Variants in ADAMTS3 observed in about 807,000 individuals in gnomAD.
ADAMTS3 encodes the protein A disintegrin and metalloproteinase with thrombospondin motifs 3.
In ADAMTS3, 73 loss-of-function variants were observed where a neutral mutation model predicts 129.0. That is an observed-to-expected ratio of 0.57 (90% CI 0.47 to 0.69). ADAMTS3 has a LOEUF of 0.69. Among genes scored for constraint, ADAMTS3 ranks in the 30% least tolerant of loss-of-function variants. ADAMTS3 has a pLI of 0.00. For synonymous variants in ADAMTS3, 477 were observed against 510.8 expected, an observed-to-expected ratio of 0.93 and a Z score of 0.89; for missense variants, 1,457 against 1,514.5, an observed-to-expected ratio of 0.96 and a Z score of 0.63.
chr4:72,366,918 C>T lies in ADAMTS3; in HGVS notation c.662-27225G>A, dbSNP rs111574020. 1.3e-4 allele frequency among the ~76,000 whole-genome samples: 19 copies of T among 151,640 alleles called. 2 individuals are homozygous for T. Among genetic ancestry groups the T allele is most frequent in the African/African-American group, 4.6e-4 (19 of 41,376 alleles). On this transcript the variant is annotated intron_variant, in intron 4 of 21. Transcript: ENST00000286657. The stretch of plus-strand genomic sequence containing the variant: ...TTTCTTTCTCTTTCTTTTCTCATTC[C>T]TCCTCCTCTCTCTCTTTTCTCCTTT...
At chr4:72,383,717 A>G (rs906252391) in intron 4 of ADAMTS3, among the ~76,000 whole-genome samples, 35 of 152,192 alleles carry the variant, frequency 2.3e-4, no homozygotes, top group African/African-American at 8.4e-4. Flanking sequence ...AAAGCACACT[A>G]TCTAGAGGAC....
intron 3 of ADAMTS3, among the ~76,000 whole-genome samples, chr4:72,457,646 C>T (rs987471277): frequency 2.0e-5 from 3 of 151,686 alleles, no homozygotes; most frequent in Non-Finnish European, 4.4e-5. Flanking sequence ...TGTAGGTCCA[C>T]GATTATTCCA....
chr4:72,379,897 T>TTG (rs1721236406), intron 4 of ADAMTS3, among the ~76,000 whole-genome samples: 1 of 152,164 alleles, frequency 6.6e-6, no homozygotes, highest in Non-Finnish European at 1.5e-5. Flanking sequence ...CCCAATCAAG[T>TTG]TGTTTAATAG....
At chr4:72,518,630 G>A (rs184454552) in intron 3 of ADAMTS3, among the ~76,000 whole-genome samples, 1 of 152,242 alleles carries the variant, frequency 6.6e-6, no homozygotes, top group Admixed American at 6.5e-5. Flanking sequence ...TTGGTTTAAA[G>A]TCTGTTTTAT....
chr4:72,539,761 G>T (rs1395337278), intron 3 of ADAMTS3, among the ~76,000 whole-genome samples: 5 of 152,088 alleles, frequency 3.3e-5, no homozygotes, highest in African/African-American at 1.2e-4. Context: ...AGATCTGATG[G>T]TTTTAAACAA....
chr4:72,325,381 T>C lies in ADAMTS3; in HGVS notation c.862-2284A>G, dbSNP rs114392529. Among the ~76,000 whole-genome samples the C allele has an allele frequency of 4.5e-3, 690 of 152,238 alleles. 4 individuals carry two copies. The highest frequency in any genetic ancestry group is 0.016 in the African/African-American group (659 of 41,552). On this transcript the variant is annotated intron_variant, in intron 5 of 21. Transcript: ENST00000286657. Reference sequence around the variant, plus strand: ...TTCCACCCTCCTGTTCTGGATTCATTATCTGATAACATATTCCTAACTTTA... The same window carrying C: ...TTCCACCCTCCTGTTCTGGATTCATCATCTGATAACATATTCCTAACTTTA...
intron 3 of ADAMTS3, among the ~76,000 whole-genome samples, chr4:72,443,432 T>TA (rs1718170442): frequency 6.6e-6 from 1 of 151,776 alleles, no homozygotes. Flanking sequence ...CCTCTAGTGT[T>TA]AAAAATGTCT....
At chr4:72,387,280 T>A (rs1292179562) in intron 4 of ADAMTS3, among the ~76,000 whole-genome samples, 1 of 152,202 alleles carries the variant, frequency 6.6e-6, no homozygotes, top group Non-Finnish European at 1.5e-5. Context: ...AGTCACATTT[T>A]ACAAATCATG....
At chr4:72,284,140 T>C (rs777165306) in intron 21 of ADAMTS3, among the ~76,000 whole-genome samples, 1 of 152,142 alleles carries the variant, frequency 6.6e-6, no homozygotes, top group African/African-American at 2.4e-5. Context: ...TCAAAATAAA[T>C]ACTAAACACT....
chr4:72,298,228 G>A, intron 18 of ADAMTS3, 49 bp downstream of exon 18: 2 of 1,507,286 alleles, frequency 1.3e-6, no homozygotes, highest in South Asian at 1.3e-5. Flanking sequence ...AGCAAGATTG[G>A]TTTTTATATG....
intron 20 of ADAMTS3, among the ~76,000 whole-genome samples, chr4:72,290,647 T>A (rs1202925510): frequency 6.6e-6 from 1 of 152,220 alleles, no homozygotes. Context: ...AGACTTCTTC[T>A]CTATGTTATG....
chr4:72,524,010 T>G (rs2109746948), intron 3 of ADAMTS3, among the ~76,000 whole-genome samples: 1 of 152,306 alleles, frequency 6.6e-6, no homozygotes, highest in South Asian at 2.1e-4. Context: ...TGTATTTCCC[T>G]TTTAGGTTTT....
At chr4:72,527,222 G>T (rs1411808333) in intron 3 of ADAMTS3, among the ~76,000 whole-genome samples, 2 of 152,044 alleles carry the variant, frequency 1.3e-5, no homozygotes, top group African/African-American at 4.8e-5. Flanking sequence ...ACTTTATCAA[G>T]GGAACTCCTC....
intron 4 of ADAMTS3, among the ~76,000 whole-genome samples, chr4:72,395,581 T>C (rs192220775): frequency 1.0e-3 from 157 of 152,332 alleles, no homozygotes; most frequent in Non-Finnish European, 1.7e-3. Context: ...TAAACATTTT[T>C]AGATTAATAA....
intron 3 of ADAMTS3, among the ~76,000 whole-genome samples, chr4:72,493,859 T>C (rs975877125): frequency 6.6e-6 from 1 of 152,108 alleles, no homozygotes; most frequent in African/African-American, 2.4e-5. Context: ...TATAGTATTA[T>C]TGTGGAGTTT....
chr4:72,562,198 A>C (rs558348464), intron 2 of ADAMTS3, among the ~76,000 whole-genome samples: 18 of 152,366 alleles, frequency 1.2e-4, no homozygotes, highest in Admixed American at 1.0e-3. Flanking sequence ...ATATTTAAAA[A>C]TTATATTCAA....
At chr4:72,493,334 A>G (rs1719794510) in intron 3 of ADAMTS3, among the ~76,000 whole-genome samples, 1 of 151,478 alleles carries the variant, frequency 6.6e-6, no homozygotes, top group Non-Finnish European at 1.5e-5. Flanking sequence ...TTGTTATTCT[A>G]TTTTTGTAGT....
Position 72,364,268 on chromosome 4 carries a change from T to A in ADAMTS3, c.662-24575A>T, listed in dbSNP as rs183264688. Reference sequence around the variant, plus strand: ...CAATAGAAGGACATACACTAAAAAATATTTTTCTTTTTGTTTACTTTTCCA... The same window carrying A: ...CAATAGAAGGACATACACTAAAAAAAATTTTTCTTTTTGTTTACTTTTCCA... On this transcript the variant is annotated intron_variant, in intron 4 of 21. Transcript: ENST00000286657. 2.7e-3 allele frequency among the ~76,000 whole-genome samples: 406 copies of A among 151,986 alleles called. 1 individual carries two copies. The highest frequency in any genetic ancestry group is 9.7e-3 in the African/African-American group (400 of 41,338).
At chr4:72,307,564 A>G (rs1719120288) in intron 15 of ADAMTS3, among the ~76,000 whole-genome samples, 1 of 152,050 alleles carries the variant, frequency 6.6e-6, no homozygotes, top group African/African-American at 2.4e-5. Context: ...TTCATTGACT[A>G]TCCCATAAGT....
Sources: gnomAD v4.1 joint callset for allele counts (sites outside exome capture counted in the v4.1 genomes callset) on GRCh38, gnomAD v4.1.1 for gene constraint, MANE v1.5 for transcripts, NCBI Gene and HGNC (gene_info 2026-07-23, HGNC 2026-07-21) for gene names.